The following ENTHD1 variants were observed in gnomAD, a reference collection of about 807,000 sequenced individuals.
ENTHD1 encodes the protein ENTH domain-containing protein 1.
Under a neutral mutation model 39.1 loss-of-function variants are expected in ENTHD1, and 23 were observed. The ratio of observed to expected loss-of-function variants is 0.59; its 90% confidence interval spans 0.42 to 0.83. The LOEUF is 0.83. ENTHD1 is among the 40% of genes least tolerant of loss of function. The probability of loss-of-function intolerance (pLI) is 0.00; values close to 1 mark genes in which losing one functional copy is unlikely to be tolerated. For missense variants in ENTHD1, 624 were observed against 705.4 expected, an observed-to-expected ratio of 0.88 and a Z score of 1.31; for synonymous variants, 230 against 258.2, an observed-to-expected ratio of 0.89 and a Z score of 1.05.
At position 39,754,270 on chromosome 22, in the gene ENTHD1, G is replaced by A. The variant is rs574233801; in HGVS notation, c.1220-9987C>T. On this transcript the variant is annotated intron_variant, in intron 6 of 6. Coordinates refer to ENST00000325157, the MANE Select transcript of ENTHD1 (RefSeq NM_152512.4). ...CAGAGGCTGTAGTTTGCCACCCACT[G>A]CCCTAATTCTATTTTGATTTAAATA... Among the ~76,000 whole-genome samples the A allele has an allele frequency of 4.6e-5, 7 of 152,328 alleles. No individual in the cohort carries two copies. In the East Asian group the frequency reaches 9.6e-4, roughly 21 times the overall value.
chr22:39,814,613 T>C (rs2065719700), intron 5 of ENTHD1, among the ~76,000 whole-genome samples: 1 of 152,234 alleles, frequency 6.6e-6, no homozygotes, highest in Non-Finnish European at 1.5e-5. Context: ...TCCATGCATA[T>C]GTGTAAATCT....
At chr22:39,860,104 A>G (rs1304536478) in intron 3 of ENTHD1, among the ~76,000 whole-genome samples, 1 of 152,230 alleles carries the variant, frequency 6.6e-6, no homozygotes, top group Admixed American at 6.5e-5. Context: ...CTTGTGACAG[A>G]GACATCCCAG....
At chr22:39,885,641 T>C (rs766792318) in intron 2 of ENTHD1, among the ~76,000 whole-genome samples, 8 of 152,336 alleles carry the variant, frequency 5.3e-5, no homozygotes, top group South Asian at 2.1e-4. Context: ...AATAGAATAT[T>C]ATTCAGACAT....
At chr22:39,846,715 A>T (rs1316863635) in intron 3 of ENTHD1, among the ~76,000 whole-genome samples, 2 of 152,202 alleles carry the variant, frequency 1.3e-5, no homozygotes, top group Admixed American at 1.3e-4. Flanking sequence ...AAACAACCCC[A>T]TCAAAAAAAT....
chr22:39,876,258 T>A, intron 2 of ENTHD1: 1 of 1,100,664 alleles, frequency 9.1e-7, no homozygotes. Flanking sequence ...GTGAAATAAA[T>A]TGAATTTAAT....
At chr22:39,773,682 T>G (rs561550333) in intron 5 of ENTHD1, among the ~76,000 whole-genome samples, 1 of 152,236 alleles carries the variant, frequency 6.6e-6, no homozygotes, top group African/African-American at 2.4e-5. Context: ...AAATTATTGC[T>G]GTATCATTCA....
intron 3 of ENTHD1, among the ~76,000 whole-genome samples, chr22:39,849,365 A>G (rs1367380635): frequency 2.0e-5 from 3 of 152,204 alleles, no homozygotes; most frequent in African/African-American, 7.2e-5. Context: ...GATGTTTGCT[A>G]ATAGCATCCA....
chr22:39,860,097 G>A (rs2066127539), intron 3 of ENTHD1, among the ~76,000 whole-genome samples: 1 of 152,052 alleles, frequency 6.6e-6, no homozygotes, highest in South Asian at 2.1e-4. Context: ...TTTTATGCTT[G>A]TGACAGAGAC....
chr22:39,826,961 C>T (rs138986193), intron 4 of ENTHD1, among the ~76,000 whole-genome samples: 3,634 of 151,698 alleles, frequency 0.024, 78 homozygotes, highest in Non-Finnish European at 0.036. Context: ...TGTCCTGCCA[C>T]TTCAGCCTCC....
intron 5 of ENTHD1, among the ~76,000 whole-genome samples, chr22:39,793,617 T>C (rs945984694): frequency 6.6e-6 from 1 of 152,222 alleles, no homozygotes; most frequent in African/African-American, 2.4e-5. Flanking sequence ...AGTAGTTTTA[T>C]AATTTTGGGT....
At chr22:39,788,767 C>G (rs1054953241) in intron 5 of ENTHD1, among the ~76,000 whole-genome samples, 3 of 151,918 alleles carry the variant, frequency 2.0e-5, no homozygotes, top group Non-Finnish European at 4.4e-5. Flanking sequence ...GCAGCCCCCA[C>G]CCCCAACCTT....
At chr22:39,780,162 T>C (rs1382518725) in intron 5 of ENTHD1, among the ~76,000 whole-genome samples, 1 of 151,892 alleles carries the variant, frequency 6.6e-6, no homozygotes, top group Non-Finnish European at 1.5e-5. Context: ...TCACTTGAGG[T>C]CAGGAGTTCG....
At chr22:39,828,965 T>C (rs551359500) in intron 4 of ENTHD1, among the ~76,000 whole-genome samples, 52 of 152,342 alleles carry the variant, frequency 3.4e-4, no homozygotes, top group African/African-American at 1.2e-3. Flanking sequence ...AAAATGAGAA[T>C]AGTTAAAGAG....
chr22:39,787,504 TC>T (rs1773793328), intron 5 of ENTHD1, among the ~76,000 whole-genome samples: 1 of 152,114 alleles, frequency 6.6e-6, no homozygotes, highest in Non-Finnish European at 1.5e-5. Context: ...ATGGAAAAGT[TC>T]CCGAAGGAAT....
intron 6 of ENTHD1, among the ~76,000 whole-genome samples, chr22:39,746,336 C>CT (rs1431164763): frequency 6.6e-6 from 1 of 151,660 alleles, no homozygotes; most frequent in Non-Finnish European, 1.5e-5. Flanking sequence ...TTCAGAAATT[C>CT]TTTTTGTAAT....
chr22:39,819,910 G>T (rs1236136329), intron 5 of ENTHD1, among the ~76,000 whole-genome samples: 1 of 152,144 alleles, frequency 6.6e-6, no homozygotes, highest in Non-Finnish European at 1.5e-5. Flanking sequence ...CTGTCAGGGG[G>T]TGCAGAATAC....
At chr22:39,862,451 G>A (rs1221377402) in intron 2 of ENTHD1, among the ~76,000 whole-genome samples, 4 of 150,698 alleles carry the variant, frequency 2.7e-5, no homozygotes, top group Admixed American at 6.6e-5. Context: ...AGGAAGCTGA[G>A]ACAGGGGAAT....
chr22:39,865,677 A>G (rs892541516), intron 2 of ENTHD1, among the ~76,000 whole-genome samples: 1 of 152,236 alleles, frequency 6.6e-6, no homozygotes, highest in East Asian at 1.9e-4. Flanking sequence ...ACCCAAGGAT[A>G]TTACATAAAA....
chr22:39,879,185 G>A (rs78705424), intron 2 of ENTHD1, among the ~76,000 whole-genome samples: 1,905 of 151,942 alleles, frequency 0.013, 35 homozygotes, highest in African/African-American at 0.044. Context: ...TATACAGGCC[G>A]GGCACGGTGG....
Sources: allele counts gnomAD v4.1 joint callset (sites outside exome capture counted in the v4.1 genomes callset), GRCh38; gene constraint gnomAD v4.1.1; transcripts MANE v1.5; gene names NCBI Gene and HGNC (gene_info 2026-07-23, HGNC 2026-07-21).